ANKRD26: variants seen among roughly 807,000 people sequenced by gnomAD.
ANKRD26 encodes the protein ankyrin repeat domain 26, also known as ankyrin repeat domain-containing protein 26.
ANKRD26 carries 141 observed loss-of-function variants against 208.7 expected under a neutral mutation model. That is an observed-to-expected ratio of 0.68 (90% confidence interval 0.59 to 0.78). ANKRD26 has a LOEUF of 0.78. Among genes scored for constraint, ANKRD26 ranks in the 30% least tolerant of loss-of-function variants. ANKRD26 has a pLI of 0.00. For synonymous variants in ANKRD26, 636 were observed against 660.4 expected, an observed-to-expected ratio of 0.96 and a Z score of 0.57; for missense variants, 1,889 against 1,938.7, an observed-to-expected ratio of 0.97 and a Z score of 0.48.
At chr10:27,079,014 T>C in intron 7 of ANKRD26, 75 bp downstream of exon 7, 1 of 1,331,450 alleles carries the variant, frequency 7.5e-7, no homozygotes, top group Non-Finnish European at 1.1e-6. Flanking sequence ...AGTAGACCAC[T>C]GCAAAATTTT....
chr10:26,962,296 G>A, the ANKRD26 span, among the ~76,000 whole-genome samples: 15,583 of 152,082 alleles, frequency 0.1, 1,405 homozygotes, highest in East Asian at 0.48. Context: ...TTAGCCACGC[G>A]GCCAGGTACA....
intron 20 of ANKRD26, among the ~76,000 whole-genome samples, 167 bp downstream of exon 20, chr10:27,043,259 A>C (rs1268259402): frequency 1.3e-5 from 2 of 152,184 alleles, no homozygotes; most frequent in Non-Finnish European, 2.9e-5. Context: ...TAAAGGAATA[A>C]TATCAAGAAT....
Position 27,037,896 on chromosome 10 carries a change from C to T in ANKRD26, c.2534G>A (p.Arg845Lys). ...LSLQTLEMEL[R>K]TVKSNLNQVV... Reference sequence around the variant, plus strand: ...CTGATTCAAATTACTTTTTACAGTCCTCAATTCCATCTCCAGTGTTTGGAG... The same window carrying T: ...CTGATTCAAATTACTTTTTACAGTCTTCAATTCCATCTCCAGTGTTTGGAG... The change falls in exon 22 of 34, where the codon AGG (arginine) becomes AAG (lysine). Residue 845 changes from arginine (R) to lysine (K), a missense_variant. Arg to Lys is a conservative substitution (Grantham distance 26). This residue lies in a region of ANKRD26 where 1,272 missense variants were observed against 1,273.8 expected (regional missense o/e 1.00). Transcript: ENST00000376087. The T allele has an allele frequency of 6.2e-7, 1 of 1,612,044 alleles. No homozygotes were observed. Among genetic ancestry groups the T allele is most frequent in the Non-Finnish European group, 8.5e-7 (1 of 1,179,392 alleles).
At chr10:27,090,470 T>C (rs1045903450) in intron 4 of ANKRD26, among the ~76,000 whole-genome samples, 1 of 152,170 alleles carries the variant, frequency 6.6e-6, no homozygotes, top group African/African-American at 2.4e-5. Context: ...CACAGATAAT[T>C]TGATATACTT....
chr10:26,973,393 T>C (rs2052177394), downstream of ANKRD26, among the ~76,000 whole-genome samples: 1 of 151,922 alleles, frequency 6.6e-6, no homozygotes, highest in Non-Finnish European at 1.5e-5. Context: ...TTCTTAAAGG[T>C]TGTCTGATTT....
chr10:27,037,899 A>G lies in ANKRD26; in HGVS notation c.2531T>C (p.Leu844Ser), dbSNP rs773433403. The G allele has an allele frequency of 2.5e-6, 4 of 1,612,660 alleles. 1 individual carries two copies. The highest frequency in any genetic ancestry group is 1.7e-6 in the Non-Finnish European group (2 of 1,179,574). ...ATTCAAATTACTTTTTACAGTCCTC[A>G]ATTCCATCTCCAGTGTTTGGAGACT... ...ELSLQTLEME[L>S]RTVKSNLNQV... The change falls in exon 22 of 34, where the codon TTG (leucine) becomes TCG (serine). Residue 844 changes from leucine (L) to serine (S), a missense_variant. Leu to Ser is a moderately radical substitution (Grantham distance 145). This residue lies in a region of ANKRD26 where 1,272 missense variants were observed against 1,273.8 expected (regional missense o/e 1.00). Coordinates refer to ENST00000376087, the MANE Select transcript of ANKRD26 (RefSeq NM_014915.3).
chr10:27,059,136 G>A (rs565150081), intron 15 of ANKRD26, among the ~76,000 whole-genome samples: 16 of 152,114 alleles, frequency 1.1e-4, no homozygotes, highest in Admixed American at 3.3e-4. Context: ...GGATGGTCTC[G>A]ATCTCCTGAC....
downstream of ANKRD26, among the ~76,000 whole-genome samples, chr10:26,973,500 G>GT (rs977036633): frequency 1.3e-5 from 2 of 150,298 alleles, no homozygotes; most frequent in Non-Finnish European, 3.0e-5. Flanking sequence ...TGGTTCAGGT[G>GT]TATCTCCTTA....
intron 1 of ANKRD26, among the ~76,000 whole-genome samples, chr10:27,094,395 T>C (rs1439982718): frequency 2.0e-5 from 3 of 152,218 alleles, no homozygotes; most frequent in African/African-American, 7.2e-5. Flanking sequence ...GCAACCTATC[T>C]GAATAGAAAA....
chr10:27,052,245 A>C, intron 16 of ANKRD26: 1 of 926,468 alleles, frequency 1.1e-6, no homozygotes, highest in Non-Finnish European at 1.3e-6. Context: ...CTGGATTGTA[A>C]CTAAGAAGTA....
intron 4 of ANKRD26, among the ~76,000 whole-genome samples, chr10:27,087,272 C>CTTT (rs151038951): frequency 0.017 from 2,531 of 152,162 alleles, 140 homozygotes; most frequent in East Asian, 0.15. Flanking sequence ...TCAACATCTT[C>CTTT]TTCTAAAACA....
chr10:27,049,401 G>A (rs933003393), intron 16 of ANKRD26, among the ~76,000 whole-genome samples: 4 of 152,256 alleles, frequency 2.6e-5, no homozygotes, highest in Non-Finnish European at 5.9e-5. Flanking sequence ...ACGCAGCCAG[G>A]AAGAGAAAGG....
chr10:27,005,485 A>G lies in ANKRD26; in HGVS notation c.*105T>C. On this transcript the variant is annotated 3_prime_UTR_variant, in exon 34 of 34. Coordinates refer to ENST00000376087, the MANE Select transcript of ANKRD26 (RefSeq NM_014915.3). ...TACTATATAAATTTTGATCTGACATATATGATACAAAAATACGTTCCTTTA... is the reference window on the plus strand; with the variant it reads ...TACTATATAAATTTTGATCTGACATGTATGATACAAAAATACGTTCCTTTA... The G allele has an allele frequency of 1.3e-6, 2 of 1,536,418 alleles. No homozygotes were observed. The highest frequency in any genetic ancestry group is 2.3e-4 in the Middle Eastern group (1 of 4,274).
the ANKRD26 span, among the ~76,000 whole-genome samples, chr10:26,955,653 T>A: frequency 2.0e-5 from 3 of 152,200 alleles, no homozygotes; most frequent in Non-Finnish European, 4.4e-5. Flanking sequence ...GTTGGCTAGA[T>A]CGTGTTGAAA....
chr10:26,989,669 G>A (rs1213357754), downstream of ANKRD26, among the ~76,000 whole-genome samples: 1 of 152,154 alleles, frequency 6.6e-6, no homozygotes, highest in African/African-American at 2.4e-5. Flanking sequence ...ATCATGAGGG[G>A]TGTCCTTGCA....
Position 27,092,398 on chromosome 10 carries a change from T to C in ANKRD26, c.638+8A>G. ...TTTAAAAATCCAAAACAAAACCAGC[T>C]ACTGTACCTTTCCAACTTATCTACT... On this transcript the variant is annotated splice_region_variant and intron_variant, in intron 4 of 33. Coordinates refer to ENST00000376087, the MANE Select transcript of ANKRD26 (RefSeq NM_014915.3). The C allele has an allele frequency of 6.3e-7, 1 of 1,586,782 alleles. No individual in the cohort carries two copies. Among genetic ancestry groups the C allele is most frequent in the East Asian group, 2.2e-5 (1 of 44,686 alleles).
intron 12 of ANKRD26, among the ~76,000 whole-genome samples, chr10:27,063,204 G>A (rs1438957535): frequency 1.3e-5 from 2 of 152,054 alleles, no homozygotes; most frequent in Non-Finnish European, 2.9e-5. Flanking sequence ...TGGGAAGAGT[G>A]GGTAAATTTT....
rs61459601 is a variant in ANKRD26 at position 26,992,469 on chromosome 10, T to TACACACAC, written c.*30-472_*30-465dup. On this transcript the variant is annotated intron_variant, in intron 5 of 5. Coordinates refer to the ANKRD26 transcript ENST00000445828. ...AAAAGAAAGATAAAATACACACACG[T>TACACACAC]ACACACACACACACACACACACACA... 9.1e-3 allele frequency among the ~76,000 whole-genome samples: 1,244 copies of TACACACAC among 136,360 alleles called. 11 individuals are homozygous for TACACACAC. Among genetic ancestry groups the TACACACAC allele is most frequent in the Non-Finnish European group, 0.014 (857 of 62,166 alleles). 89.5% of individuals were successfully genotyped at this position (136,360 alleles called of 152,430 possible). A position where few individuals can be genotyped will look rare whatever the true frequency, so the allele number is the denominator to read the frequency against.
downstream of ANKRD26, among the ~76,000 whole-genome samples, chr10:26,972,570 T>A (rs928008919): frequency 1.3e-5 from 2 of 151,204 alleles, no homozygotes; most frequent in African/African-American, 2.4e-5. Context: ...GTTCTTTTTT[T>A]AACTTGACAA....
Sources: allele counts gnomAD v4.1 joint callset (sites outside exome capture counted in the v4.1 genomes callset), GRCh38; gene constraint gnomAD v4.1.1; regional missense constraint gnomAD v4.1.1; transcripts MANE v1.5; gene names NCBI Gene and HGNC (gene_info 2026-07-23, HGNC 2026-07-21).